HDAC8: variants seen among roughly 807,000 people sequenced by gnomAD.
The protein encoded by HDAC8 is histone deacetylase 8, also known as histone deacetylase-like 1.
In HDAC8, 1 loss-of-function variant was observed where a neutral mutation model predicts 32.2. The ratio of observed to expected loss-of-function variants is 0.03; its 90% CI spans 0.01 to 0.15. The LOEUF is 0.15. Ranked by LOEUF, HDAC8 falls within the 10% of genes least tolerant of loss-of-function variation. The pLI, the probability that HDAC8 is intolerant of heterozygous loss-of-function variation, is 1.00. For missense variants in HDAC8, 117 were observed against 300.0 expected (o/e 0.39, Z 4.51); for synonymous variants, 108 against 113.9 (o/e 0.95, Z 0.33).
Position 72,464,827 on chromosome X carries a change from T to A in HDAC8, c.738-96A>T. 5.4e-6 allele frequency: 3 copies of A among 558,853 alleles called. No homozygotes were observed. In the Admixed American group the frequency reaches 9.3e-5, roughly 17 times the overall value. The allele number at this position is 558,853 out of a possible 1,213,427, so 46.1% of individuals were successfully genotyped here. A position where few individuals can be genotyped will look rare whatever the true frequency, so the allele number is the denominator to read the frequency against. On this transcript the variant is annotated intron_variant, in intron 7 of 10. Transcript: ENST00000373573. ...TTGGAGGTATAATTGAATTAGCAAA[T>A]AGTTAAGGGAAAAAAACACAACCTG... is the stretch of plus-strand genomic sequence containing the variant.
At chrX:72,487,731 T>TAAA (rs782775030) in intron 7 of HDAC8, among the ~76,000 whole-genome samples, 34 of 75,060 alleles carry the variant, frequency 4.5e-4, no homozygotes, top group African/African-American at 1.6e-3. Context: ...TCTGTTATGG[T>TAAA]AAAAAAAAAA....
At chrX:72,430,664 T>C (rs975284167) in intron 9 of HDAC8, among the ~76,000 whole-genome samples, 1 of 112,102 alleles carries the variant, frequency 8.9e-6, no homozygotes, top group African/African-American at 3.2e-5. Context: ...TTTGTGTCCC[T>C]TGTGCTAAAC....
intron 7 of HDAC8, among the ~76,000 whole-genome samples, chrX:72,477,040 G>A (rs2048355973): frequency 8.9e-6 from 1 of 111,879 alleles, no homozygotes; most frequent in African/African-American, 3.2e-5. Flanking sequence ...AAACACAAGT[G>A]CCTTTCTGTT....
At chrX:72,539,373 A>G (rs1603206824) in intron 4 of HDAC8, among the ~76,000 whole-genome samples, 1 of 109,177 alleles carries the variant, frequency 9.2e-6, no homozygotes, top group Non-Finnish European at 1.9e-5. Context: ...CTGGGACTAC[A>G]GGCATGCGCC....
intron 9 of HDAC8, among the ~76,000 whole-genome samples, chrX:72,405,479 C>T (rs1555968540): frequency 2.7e-5 from 3 of 112,194 alleles, no homozygotes; most frequent in African/African-American, 9.7e-5. Flanking sequence ...GGTATATACC[C>T]AGTAATGGGA....
chrX:72,424,129 C>T, intron 9 of HDAC8, among the ~76,000 whole-genome samples: 1 of 112,073 alleles, frequency 8.9e-6, no homozygotes, highest in Non-Finnish European at 1.9e-5. Flanking sequence ...TAAAGGAACT[C>T]CTCCAATGTC....
At chrX:72,552,253 G>C (rs782625702) in intron 4 of HDAC8, among the ~76,000 whole-genome samples, 1 of 110,358 alleles carries the variant, frequency 9.1e-6, no homozygotes, top group East Asian at 2.8e-4. Flanking sequence ...CCTGAGGCCA[G>C]GAGTTCGAGA....
At chrX:72,408,530 G>A (rs2046107071) in intron 9 of HDAC8, among the ~76,000 whole-genome samples, 1 of 110,983 alleles carries the variant, frequency 9.0e-6, no homozygotes. Context: ...TCAGCCTCCC[G>A]AGTAGCTGGG....
At position 72,555,623 on chromosome X, in the gene HDAC8, G is replaced by T. The variant is rs556438280; in HGVS notation, c.437+12266C>A. On this transcript the variant is annotated intron_variant, in intron 4 of 10. Coordinates refer to ENST00000373573, the MANE Select transcript of HDAC8 (RefSeq NM_018486.3). ...ATGCAAAATGCACTGGAAAGTCTCAGCAATATAATTGAACAAACAGAAGAA... is the reference window on the plus strand; with the variant it reads ...ATGCAAAATGCACTGGAAAGTCTCATCAATATAATTGAACAAACAGAAGAA... Among the ~76,000 whole-genome samples, 6 of 112,384 alleles carry T rather than the reference G, an allele frequency of 5.3e-5. No individual in the cohort carries two copies. The South Asian group carries it at 2.2e-3, about 41-fold the overall frequency.
At chrX:72,556,553 G>A (rs1556094014) in intron 4 of HDAC8, among the ~76,000 whole-genome samples, 2 of 111,531 alleles carry the variant, frequency 1.8e-5, no homozygotes, top group East Asian at 5.6e-4. Flanking sequence ...TAAAGGGGCA[G>A]AAAAAGATAT....
chrX:72,514,854 TAGGAG>T (rs1556023929), intron 4 of HDAC8, among the ~76,000 whole-genome samples: 8 of 111,783 alleles, frequency 7.2e-5, no homozygotes, highest in Admixed American at 6.6e-4. Flanking sequence ...CAGAAGAGGC[TAGGAG>T]AGGTCAATCC....
At chrX:72,377,647 T>A (rs1555958606) in intron 9 of HDAC8, among the ~76,000 whole-genome samples, 1 of 112,393 alleles carries the variant, frequency 8.9e-6, no homozygotes, top group African/African-American at 3.2e-5. Context: ...TTTGTTACCG[T>A]ATGCATGCTA....
chrX:72,559,802 C>T (rs781856939), intron 4 of HDAC8, among the ~76,000 whole-genome samples: 63 of 109,890 alleles, frequency 5.7e-4, no homozygotes, highest in Non-Finnish European at 9.9e-4. Context: ...AGCAGCCGCC[C>T]GTCTGTGAAG....
At chrX:72,484,390 A>C (rs1983555208) in intron 7 of HDAC8, among the ~76,000 whole-genome samples, 1 of 112,026 alleles carries the variant, frequency 8.9e-6, no homozygotes, top group African/African-American at 3.2e-5. Context: ...ATCTTTTATA[A>C]GTCCTATTTG....
chrX:72,456,814 C>T (rs782045536), intron 9 of HDAC8, among the ~76,000 whole-genome samples: 5 of 110,681 alleles, frequency 4.5e-5, no homozygotes, highest in East Asian at 5.7e-4. Context: ...AAACAAAAAA[C>T]GAAACAAAAA....
chrX:72,466,201 G>A (rs1268863393), intron 7 of HDAC8, among the ~76,000 whole-genome samples: 6 of 111,259 alleles, frequency 5.4e-5, no homozygotes, highest in African/African-American at 3.3e-5. Flanking sequence ...GGAGGAGGGG[G>A]AGGCAACAAG....
chrX:72,415,207 A>G (rs2046300355), intron 9 of HDAC8, among the ~76,000 whole-genome samples: 1 of 112,102 alleles, frequency 8.9e-6, no homozygotes, highest in African/African-American at 3.2e-5. Flanking sequence ...TCTTTCCTCC[A>G]TTGAATTGCT....
intron 4 of HDAC8, among the ~76,000 whole-genome samples, chrX:72,546,414 G>A (rs955056834): frequency 1.8e-5 from 2 of 110,862 alleles, no homozygotes; most frequent in Non-Finnish European, 3.8e-5. Context: ...AGAGATGTGG[G>A]TCTTAAATGG....
chrX:72,400,388 T>C (rs2045871776), intron 9 of HDAC8, among the ~76,000 whole-genome samples: 1 of 112,005 alleles, frequency 8.9e-6, no homozygotes, highest in Admixed American at 9.5e-5. Context: ...ATGTCCAAAC[T>C]GAACTCTTTA....
Sources: allele counts gnomAD v4.1 joint callset (sites outside exome capture counted in the v4.1 genomes callset), GRCh38; gene constraint gnomAD v4.1.1; transcripts MANE v1.5; gene names NCBI Gene and HGNC (gene_info 2026-07-23, HGNC 2026-07-21).